The following YIPF7 variants were observed in gnomAD, a reference collection of about 807,000 sequenced individuals.
YIPF7 encodes protein YIPF7.
Under a neutral mutation model 27.2 loss-of-function variants are expected in YIPF7, and 35 were observed. The ratio of observed to expected loss-of-function variants is 1.29; its 90% CI spans 0.98 to 1.70. The LOEUF (loss-of-function observed/expected upper bound fraction) is 1.70. YIPF7 is among the 40% of genes most tolerant of loss of function. The probability of loss-of-function intolerance (pLI) is 0.00; values close to 1 mark genes in which losing one functional copy is unlikely to be tolerated. For synonymous variants in YIPF7, 137 were observed against 110.4 expected (o/e 1.24, Z -1.51); for missense variants, 358 against 303.7 (o/e 1.18, Z -1.33).
intron 2 of YIPF7, among the ~76,000 whole-genome samples, chr4:44,639,012 T>C (rs1713235699): frequency 6.6e-6 from 1 of 152,224 alleles, no homozygotes; most frequent in African/African-American, 2.4e-5. Context: ...ATATGTGACC[T>C]TATTTACATG....
chr4:44,636,000 G>GA lies in YIPF7; in HGVS notation c.201dup (p.Gln68SerfsTer16), dbSNP rs1713105545. 4.3e-6 allele frequency: 7 copies of GA among 1,613,846 alleles called. No homozygotes were observed. The highest frequency in any genetic ancestry group is 5.1e-6 in the Non-Finnish European group (6 of 1,179,820). The stretch of plus-strand genomic sequence containing the variant: ...TAATAATCTGAGTTGGATGCTGGCT[G>GA]AAAAAATTGTCCTGCGTAACCCGAT... On this transcript the variant is annotated frameshift_variant, in exon 3 of 6. Coordinates refer to ENST00000415895, the MANE Select transcript of YIPF7 (RefSeq NM_182592.3). LOFTEE classifies it high-confidence loss of function.
At chr4:44,651,178 T>G (rs1267232705) in intron 1 of YIPF7, among the ~76,000 whole-genome samples, 1 of 152,188 alleles carries the variant, frequency 6.6e-6, no homozygotes, top group Admixed American at 6.5e-5. Context: ...TATATCAAAT[T>G]TGTTCAGTTC....
At chr4:44,641,977 C>T (rs549045826) in intron 2 of YIPF7, among the ~76,000 whole-genome samples, 3 of 151,952 alleles carry the variant, frequency 2.0e-5, no homozygotes, top group Non-Finnish European at 4.4e-5. Context: ...TAAAAATCCC[C>T]CAATACCTAT....
intron 2 of YIPF7, among the ~76,000 whole-genome samples, chr4:44,641,742 G>T (rs1048181309): frequency 6.6e-6 from 1 of 152,174 alleles, no homozygotes; most frequent in Non-Finnish European, 1.5e-5. Flanking sequence ...ATAGAGGGGG[G>T]AGATATACAC....
At chr4:44,628,072 T>C (rs537869479) in intron 4 of YIPF7, among the ~76,000 whole-genome samples, 2 of 152,160 alleles carry the variant, frequency 1.3e-5, no homozygotes, top group Admixed American at 6.5e-5. Flanking sequence ...AAATTGATTG[T>C]TTCTGACTAT....
chr4:44,659,096 G>A (rs139551440), intron 2 of YIPF7, among the ~76,000 whole-genome samples: 1 of 152,274 alleles, frequency 6.6e-6, no homozygotes, highest in African/African-American at 2.4e-5. Context: ...AGAGTTGGCT[G>A]GATCATGAGG....
intron 3 of YIPF7, among the ~76,000 whole-genome samples, chr4:44,634,085 T>C (rs904114776): frequency 2.0e-5 from 3 of 152,172 alleles, no homozygotes; most frequent in African/African-American, 7.2e-5. Context: ...TCAAAGATGG[T>C]TTCCTATGAT....
chr4:44,639,655 A>C (rs1441797201), intron 2 of YIPF7, among the ~76,000 whole-genome samples: 1 of 152,092 alleles, frequency 6.6e-6, no homozygotes, highest in East Asian at 1.9e-4. Context: ...CATATCATCC[A>C]ATTACCAATT....
intron 3 of YIPF7, among the ~76,000 whole-genome samples, chr4:44,634,718 ATTG>A (rs769390963): frequency 5.9e-5 from 9 of 152,190 alleles, no homozygotes; most frequent in Non-Finnish European, 1.2e-4. Context: ...AATACATCAA[ATTG>A]TTAATGATAG....
At chr4:44,633,038 T>A (rs774967643) in intron 3 of YIPF7, among the ~76,000 whole-genome samples, 2 of 152,186 alleles carry the variant, frequency 1.3e-5, no homozygotes, top group African/African-American at 4.8e-5. Flanking sequence ...CATTAGTTTC[T>A]CATAGGAGCG....
In YIPF7 at chr4:44,650,010, A is replaced by G; in HGVS notation, c.91T>C (p.Tyr31His). Residue 31 changes from tyrosine (Y) to histidine (H), a missense_variant, in exon 2 of 6, where the codon TAT becomes CAT. Tyr to His is a moderately conservative substitution (Grantham distance 83, BLOSUM62 2). Coordinates refer to ENST00000415895, the MANE Select transcript of YIPF7 (RefSeq NM_182592.3). Reference protein sequence around the residue: ...QEQSGNDSNAYGNLYGSRKQQ... With the variant: ...QEQSGNDSNAHGNLYGSRKQQ... ...TTTCTAGATCCATAAAGATTTCCAT[A>G]GGCATTAGAGTCATTACCACTCTGC... 6.4e-7 allele frequency: 1 copy of G among 1,570,558 alleles called. No individual in the cohort carries two copies. The highest frequency in any genetic ancestry group is 1.2e-5 in the South Asian group (1 of 83,932).
intron 3 of YIPF7, among the ~76,000 whole-genome samples, chr4:44,634,904 T>C (rs1713052754): frequency 2.0e-5 from 3 of 152,226 alleles, no homozygotes; most frequent in South Asian, 4.1e-4. Flanking sequence ...CAAAACTGAA[T>C]GAACTGGTTA....
Position 44,622,426 on chromosome 4 carries a change from T to C in YIPF7, c.759A>G (p.Leu253=), listed in dbSNP as rs764639314. The C allele has an allele frequency of 3.7e-6, 6 of 1,612,484 alleles. No homozygotes were observed. Among genetic ancestry groups the C allele is most frequent in the Non-Finnish European group, 5.1e-6 (6 of 1,179,284 alleles). Reference sequence around the variant, plus strand: ...TCTCAAACATTCTTTAGAAAATTGTTAGGAGGGCAAAAAGTCCATAAAGTA... The same window carrying C: ...TCTCAAACATTCTTTAGAAAATTGTCAGGAGGGCAAAAAGTCCATAAAGTA... ...CAILYGLFAL[L]TIF The change falls in exon 6 of 6, where the codon CTA becomes CTG. Residue 253 remains leucine, a synonymous_variant. Transcript: ENST00000415895.
chr4:44,630,916 T>A (rs188149669), intron 3 of YIPF7, among the ~76,000 whole-genome samples: 1 of 152,284 alleles, frequency 6.6e-6, no homozygotes, highest in Admixed American at 6.5e-5. Context: ...GGACCAGCAA[T>A]CAAATTGGTT....
At chr4:44,647,634 G>A (rs1325451724) in intron 2 of YIPF7, among the ~76,000 whole-genome samples, 1 of 152,022 alleles carries the variant, frequency 6.6e-6, no homozygotes, top group African/African-American at 2.4e-5. Flanking sequence ...AGCCTGACTA[G>A]TGCTAGGCAG....
At chr4:44,662,139 T>C (rs778191122) in intron 1 of YIPF7, among the ~76,000 whole-genome samples, 42 of 152,236 alleles carry the variant, frequency 2.8e-4, no homozygotes, top group Non-Finnish European at 5.6e-4. Context: ...AGACCCCTAG[T>C]GGGTGCCTAA....
chr4:44,625,099 C>A (rs935115456), intron 4 of YIPF7, among the ~76,000 whole-genome samples: 1 of 151,998 alleles, frequency 6.6e-6, no homozygotes. Context: ...TATTTTGTTC[C>A]CATATTTATT....
chr4:44,648,379 C>CATTTCAGATTCTG (rs1713600260), intron 2 of YIPF7, among the ~76,000 whole-genome samples: 1 of 152,068 alleles, frequency 6.6e-6, no homozygotes, highest in Admixed American at 6.6e-5. Flanking sequence ...GATTTGGGGA[C>CATTTCAGATTCTG]ATTTCAGATT....
At chr4:44,632,435 T>G (rs893735264) in intron 3 of YIPF7, among the ~76,000 whole-genome samples, 2 of 152,216 alleles carry the variant, frequency 1.3e-5, no homozygotes, top group Non-Finnish European at 2.9e-5. Context: ...ATATCAGTAA[T>G]TTTTCGTATC....
Sources: gnomAD v4.1 joint callset for allele counts (sites outside exome capture counted in the v4.1 genomes callset) on GRCh38, gnomAD v4.1.1 for gene constraint, MANE v1.5 for transcripts, NCBI Gene and HGNC (gene_info 2026-07-23, HGNC 2026-07-21) for gene names.